ZNF737: variants seen among roughly 807,000 people sequenced by gnomAD.
The protein encoded by ZNF737 is zinc finger protein 102 (Y3).
Under a neutral mutation model 11.7 loss-of-function variants are expected in ZNF737, and 13 were observed. The observed-to-expected ratio is 1.11, with a 90% CI of 0.73 to 1.77. The LOEUF is 1.77. Among genes scored for constraint, ZNF737 ranks in the 40% most tolerant of loss-of-function variants. The pLI is 0.00. For missense variants in ZNF737, 636 were observed against 638.0 expected (o/e 1.00, Z 0.03); for synonymous variants, 217 against 216.2 (o/e 1.00, Z -0.03).
chr19:20,545,697 C>A lies in ZNF737; in HGVS notation c.506G>T (p.Gly169Val), dbSNP rs1555756826. Residue 169 changes from glycine to valine, a missense_variant, in exon 4 of 4, where the codon GGA becomes GTA. Gly to Val is a moderately radical substitution (Grantham distance 109). Coordinates refer to ENST00000427401, the MANE Select transcript of ZNF737 (RefSeq NM_001159293.2). ...NSNRHKIRHT[G>V]KKPFKCIECG... is the part of the protein sequence containing the mutation. ...TTCTATACATTTGAAAGGTTTTTTT[C>A]CAGTATGTCTTATCTTATGTCTGTT... 1 of 1,613,060 alleles carries A rather than the reference C, an allele frequency of 6.2e-7. No homozygotes were observed. Among genetic ancestry groups the A allele is most frequent in the African/African-American group, 1.3e-5 (1 of 74,912 alleles).
At chr19:20,551,429 CAAAAAA>C (rs59406979) in intron 3 of ZNF737, among the ~76,000 whole-genome samples, 51 of 102,336 alleles carry the variant, frequency 5.0e-4, no homozygotes, top group African/African-American at 1.5e-3. Context: ...AACCCCATCT[CAAAAAA>C]AAAAAAAAAA....
At chr19:20,534,282 A>G (rs1202656861), downstream of ZNF737, among the ~76,000 whole-genome samples, 2 of 149,778 alleles carry the variant, frequency 1.3e-5, no homozygotes, top group East Asian at 4.0e-4. Flanking sequence ...TCTCTACTAA[A>G]AATACATAAA....
rs1262526158 is a variant in ZNF737, at chr19:20,544,953, A to C, written c.1250T>G (p.Ile417Arg). The change falls in exon 4 of 4, where the codon ATA (isoleucine) becomes AGA (arginine). Residue 417 changes from isoleucine (I) to arginine (R), a missense_variant. Ile to Arg is a moderately conservative substitution (Grantham distance 97). Transcript: ENST00000427401. ...KYSSSLTTHKIIHTGQQPFKC... is the reference protein window; with the variant it reads ...KYSSSLTTHKRIHTGQQPFKC... The stretch of plus-strand genomic sequence containing the variant: ...GAAGGGTTGCTGTCCAGTATGGATT[A>C]TCTTATGTGTAGTAAGGGAAGAGGA... 50 of 1,610,904 alleles carry C rather than the reference A, an allele frequency of 3.1e-5. 1 individual carries two copies. The South Asian group carries it at 5.3e-4, about 17-fold the overall frequency.
chr19:20,545,215 T>A lies in ZNF737; in HGVS notation c.988A>T (p.Thr330Ser), dbSNP rs781924938. ...TCTCCAGTATGAATTCTTTTATGTG[T>A]AGTAAGGACAGAGGGGTGCTTAAAG... ...KAFKHPSVLT[T>S]HKRIHTGEKP... The change falls in exon 4 of 4, where the codon ACA becomes TCA. Residue 330 changes from threonine (T) to serine (S), a missense_variant. Physicochemically the swap from Thr to Ser is moderately conservative, Grantham distance 58. Transcript: ENST00000427401. 5 of 1,613,418 alleles carry A rather than the reference T, an allele frequency of 3.1e-6. No homozygotes were observed. The Admixed American group carries it at 8.3e-5, about 27-fold the overall frequency.
chr19:20,553,399 C>T (rs1487666231), intron 2 of ZNF737, among the ~76,000 whole-genome samples: 1 of 152,124 alleles, frequency 6.6e-6, no homozygotes, highest in Non-Finnish European at 1.5e-5. Context: ...GCTGGGATTA[C>T]AGGCATGTGC....
chr19:20,552,652 A>G lies in ZNF737; in HGVS notation c.131-82T>C, dbSNP rs147792934. The stretch of plus-strand genomic sequence containing the variant: ...AGTAATGTGCTCGCAAAGACAATGT[A>G]ATAAAATATTATAGTAAATTAATAC... On this transcript the variant is annotated intron_variant, in intron 2 of 3. Transcript: ENST00000427401. The G allele has an allele frequency of 1.7e-5, 15 of 877,436 alleles. No individual in the cohort carries two copies. The East Asian group carries it at 4.4e-4, about 26-fold the overall frequency. The allele number at this position is 877,436 out of a possible 1,614,324, so 54.4% of individuals were successfully genotyped here. A position where few individuals can be genotyped will look rare whatever the true frequency, so the allele number is the denominator to read the frequency against.
downstream of ZNF737, among the ~76,000 whole-genome samples, chr19:20,532,200 C>T (rs1454368044): frequency 2.0e-5 from 3 of 149,974 alleles, no homozygotes; most frequent in African/African-American, 4.9e-5. Context: ...CCACAGTCAC[C>T]ATTTAGATAA....
Position 20,543,971 on chromosome 19 carries a change from T to TA in ZNF737, c.*620dup. 1.5e-6 allele frequency: 1 copy of TA among 651,500 alleles called. No individual in the cohort carries two copies. The highest frequency in any genetic ancestry group is 1.9e-6 in the Non-Finnish European group (1 of 526,110). 40.4% of individuals were successfully genotyped at this position (651,500 alleles called of 1,614,324 possible). ...GGCGAAGTCGCATCTCTACTAAAAA[T>TA]AAAAAAATTAGCTGGGCATGTTGGA... On this transcript the variant is annotated 3_prime_UTR_variant, in exon 4 of 4. Transcript: ENST00000427401.
chr19:20,544,069 A>C lies in ZNF737; in HGVS notation c.*523T>G. The C allele has an allele frequency of 1.1e-6, 1 of 883,362 alleles. No homozygotes were observed. Among genetic ancestry groups the C allele is most frequent in the Non-Finnish European group, 1.4e-6 (1 of 736,082 alleles). 54.7% of individuals were successfully genotyped at this position (883,362 alleles called of 1,614,324 possible). ...CTTAAACCCAGGAGGCAGAGGTTGC[A>C]GTGAGCCGAGATCATGGCACTGTAC... On this transcript the variant is annotated 3_prime_UTR_variant, in exon 4 of 4. Coordinates refer to ENST00000427401, the MANE Select transcript of ZNF737 (RefSeq NM_001159293.2).
intron 3 of ZNF737, among the ~76,000 whole-genome samples, chr19:20,549,083 T>TCC (rs1162383744): frequency 6.6e-6 from 1 of 151,082 alleles, no homozygotes; most frequent in Non-Finnish European, 1.5e-5. Flanking sequence ...TAAGACTATC[T>TCC]CCATAAGTAC....
chr19:20,551,411 A>G (rs1468750403), intron 3 of ZNF737, among the ~76,000 whole-genome samples: 1 of 142,996 alleles, frequency 7.0e-6, no homozygotes, highest in Non-Finnish European at 1.5e-5. Context: ...CCTGGGCAAC[A>G]TGAGTGAAAC....
At chr19:20,531,994 A>G (rs1451353555), downstream of ZNF737, among the ~76,000 whole-genome samples, 2 of 150,384 alleles carry the variant, frequency 1.3e-5, no homozygotes, top group African/African-American at 4.9e-5. Context: ...ATAACATGTC[A>G]GAATGGAACA....
chr19:20,546,921 A>C (rs1043891468), intron 3 of ZNF737, among the ~76,000 whole-genome samples: 3 of 152,224 alleles, frequency 2.0e-5, no homozygotes, highest in Non-Finnish European at 2.9e-5. Flanking sequence ...AAAATTACAC[A>C]CTGTGTGTTT....
chr19:20,551,555 C>G (rs1040188230), intron 3 of ZNF737, among the ~76,000 whole-genome samples: 1 of 151,524 alleles, frequency 6.6e-6, no homozygotes, highest in Non-Finnish European at 1.5e-5. Flanking sequence ...TACATTAAAA[C>G]CTGTCTAAAC....
chr19:20,561,645 C>T (rs1969100406), intron 1 of ZNF737, among the ~76,000 whole-genome samples: 1 of 151,900 alleles, frequency 6.6e-6, no homozygotes. Flanking sequence ...GTAGAGTTTG[C>T]TGAACATTAA....
At chr19:20,552,964 AT>A (rs1405669268) in intron 2 of ZNF737, among the ~76,000 whole-genome samples, 2 of 151,424 alleles carry the variant, frequency 1.3e-5, no homozygotes, top group Non-Finnish European at 2.9e-5. Flanking sequence ...GTAAGCTGAG[AT>A]CACACCACTG....
At chr19:20,558,409 G>A (rs1428184821) in intron 1 of ZNF737, among the ~76,000 whole-genome samples, 1 of 152,136 alleles carries the variant, frequency 6.6e-6, no homozygotes, top group African/African-American at 2.4e-5. Context: ...ACACATCTAT[G>A]TATTGCACCA....
At chr19:20,536,564 CT>C (rs1358983377), downstream of ZNF737, among the ~76,000 whole-genome samples, 6 of 152,076 alleles carry the variant, frequency 3.9e-5, no homozygotes, top group Non-Finnish European at 5.9e-5. Context: ...TAATCCAGCA[CT>C]TTGAGAGGCC....
chr19:20,550,686 T>C (rs1968629856), intron 3 of ZNF737, among the ~76,000 whole-genome samples: 1 of 152,190 alleles, frequency 6.6e-6, no homozygotes, highest in African/African-American at 2.4e-5. Context: ...GGCCAGGATT[T>C]TGAGACCAGC....
Sources: allele counts gnomAD v4.1 joint callset (sites outside exome capture counted in the v4.1 genomes callset), GRCh38; gene constraint gnomAD v4.1.1; transcripts MANE v1.5; gene names NCBI Gene and HGNC (gene_info 2026-07-23, HGNC 2026-07-21).